SCOC: variants seen among roughly 807,000 people sequenced by gnomAD.
SCOC encodes short coiled-coil protein.
SCOC carries 7 observed loss-of-function variants against 9.9 expected under a neutral mutation model. The observed-to-expected ratio is 0.71, with a 90% CI of 0.40 to 1.33. The LOEUF is 1.33. Among genes scored for constraint, SCOC ranks in the 40% most tolerant of loss-of-function variants. The pLI, the probability that SCOC is intolerant of heterozygous loss-of-function variation, is 0.01. For missense variants in SCOC, 66 were observed against 89.7 expected (o/e 0.74, Z 1.07); for synonymous variants, 19 against 28.2 (o/e 0.67, Z 1.03).
intron 2 of SCOC, among the ~76,000 whole-genome samples, chr4:140,367,224 A>ACC (rs1727842537): frequency 6.6e-6 from 1 of 152,030 alleles, no homozygotes; most frequent in Non-Finnish European, 1.5e-5. Flanking sequence ...GTGACAGAGT[A>ACC]AGACCATTTC....
chr4:140,308,202 C>T (rs1193934152), intron 1 of SCOC, among the ~76,000 whole-genome samples: 1 of 152,180 alleles, frequency 6.6e-6, no homozygotes, highest in Non-Finnish European at 1.5e-5. Flanking sequence ...GGCCAGGCTG[C>T]TAATTGTGCT....
chr4:140,371,972 T>A (rs910993724), upstream of SCOC, among the ~76,000 whole-genome samples: 4 of 152,250 alleles, frequency 2.6e-5, no homozygotes, highest in Non-Finnish European at 5.9e-5. Context: ...ATAACATGGA[T>A]GAACTCTGAG....
At chr4:140,325,945 G>A (rs1033729335) in intron 1 of SCOC, among the ~76,000 whole-genome samples, 4 of 152,134 alleles carry the variant, frequency 2.6e-5, no homozygotes, top group East Asian at 1.9e-4. Context: ...CCTTCAGTAG[G>A]TAATGGAATA....
intron 1 of SCOC, among the ~76,000 whole-genome samples, chr4:140,282,079 G>A (rs1731111945): frequency 6.6e-6 from 1 of 152,184 alleles, no homozygotes; most frequent in African/African-American, 2.4e-5. Context: ...GATTTTCCAT[G>A]ATTCTGTAAA....
At chr4:140,287,044 C>G (rs1201694709) in intron 1 of SCOC, among the ~76,000 whole-genome samples, 4 of 151,572 alleles carry the variant, frequency 2.6e-5, no homozygotes, top group African/African-American at 9.7e-5. Flanking sequence ...TACACACACT[C>G]TACACACACA....
At position 140,381,091 on chromosome 4, in the gene SCOC, G is replaced by A. The variant is rs1288930952; in HGVS notation, c.236G>A (p.Ser79Asn). 2.5e-6 allele frequency: 4 copies of A among 1,596,882 alleles called. No individual in the cohort carries two copies. The South Asian group carries it at 3.4e-5, about 14-fold the overall frequency. The change falls in exon 4 of 4, where the codon AGC becomes AAC. Residue 79 changes from serine (S) to asparagine (N), a missense_variant. Physicochemically the swap from Ser to Asn is conservative, Grantham distance 46. Transcript: ENST00000608372. ...GTTTTTCAAACAACTGACACAAAAA[G>A]CAAAAGAAAGTAAGGGATTGACACC... The part of the protein sequence containing the change: ...SSVFQTTDTK[S>N]KRK
At position 140,382,614 on chromosome 4, in the gene SCOC, C is replaced by T. The variant is rs1728609756; in HGVS notation, c.*1510C>T. The T allele has an allele frequency of 6.6e-6, 1 of 152,472 alleles. No individual in the cohort carries two copies. The highest frequency in any genetic ancestry group is 2.1e-4 in the South Asian group (1 of 4,826). The allele number at this position is 152,472 out of a possible 1,614,324, so 9.4% of individuals were successfully genotyped here. A position where few individuals can be genotyped will look rare whatever the true frequency, so the allele number is the denominator to read the frequency against. On this transcript the variant is annotated 3_prime_UTR_variant, in exon 4 of 4. Coordinates refer to ENST00000608372, the MANE Select transcript of SCOC (RefSeq NM_001153484.2). The stretch of plus-strand genomic sequence containing the variant: ...GGGTATTTAGGTATAGTGGTGTATC[C>T]AGGGTTATTCAATGCCACAGAATAG...
upstream of SCOC, among the ~76,000 whole-genome samples, chr4:140,371,575 GT>G (rs943678427): frequency 6.6e-6 from 1 of 152,194 alleles, no homozygotes; most frequent in Non-Finnish European, 1.5e-5. Context: ...ATGAATAATA[GT>G]TTTTTCCCCA....
chr4:140,314,551 C>G (rs1732254496), intron 1 of SCOC: 1 of 152,254 alleles, frequency 6.6e-6, no homozygotes, highest in South Asian at 2.1e-4. Context: ...GGAGCTACAT[C>G]TTGGCCACCC....
At chr4:140,325,749 C>T (rs1174548355) in intron 1 of SCOC, among the ~76,000 whole-genome samples, 1 of 152,046 alleles carries the variant, frequency 6.6e-6, no homozygotes, top group Admixed American at 6.6e-5. Flanking sequence ...AATAGCACAA[C>T]CAGGTTGGAG....
rs115567946 is a variant in SCOC, at chr4:140,354,673, T to A, written c.70+10965T>A. 8.1e-3 allele frequency among the ~76,000 whole-genome samples: 1,230 copies of A among 152,182 alleles called. 12 individuals are homozygous for A. Among genetic ancestry groups the A allele is most frequent in the African/African-American group, 0.029 (1,200 of 41,518 alleles). On this transcript the variant is annotated intron_variant, in intron 2 of 4. Transcript: ENST00000338517. ...AAATTCGTAACTAATTGATTATTTT[T>A]AAAAAGCAAACTGCATGTTCTAATG...
intron 1 of SCOC, among the ~76,000 whole-genome samples, chr4:140,272,454 T>C (rs1730867802): frequency 6.6e-6 from 1 of 152,212 alleles, no homozygotes; most frequent in African/African-American, 2.4e-5. Context: ...GCAGGTTCCC[T>C]GAATGATAAA....
chr4:140,346,609 T>C (rs1337041156), intron 2 of SCOC, among the ~76,000 whole-genome samples: 1 of 152,264 alleles, frequency 6.6e-6, no homozygotes, highest in Non-Finnish European at 1.5e-5. Context: ...ATTTTATTTA[T>C]TTAAGTAATT....
At chr4:140,260,412 G>C (rs1260853300) in intron 1 of SCOC, among the ~76,000 whole-genome samples, 1 of 152,216 alleles carries the variant, frequency 6.6e-6, no homozygotes, top group South Asian at 2.1e-4. Context: ...ATGATGGCGA[G>C]TGTGTTTTTC....
At chr4:140,353,053 G>C (rs2126532698) in intron 2 of SCOC, among the ~76,000 whole-genome samples, 1 of 152,348 alleles carries the variant, frequency 6.6e-6, no homozygotes, top group Middle Eastern at 3.4e-3. Flanking sequence ...GATGGGAGCA[G>C]CTTTGGACAC....
rs555282079 is a variant in SCOC, at chr4:140,352,549, A to G, written c.70+8841A>G. The stretch of plus-strand genomic sequence containing the variant: ...TAGGGTCACCAGTGTATTGCTAGAA[A>G]TTGTAAGTGCTCTTTCTGCAGAGAA... On this transcript the variant is annotated intron_variant, in intron 2 of 4. Transcript: ENST00000338517. Among the ~76,000 whole-genome samples, 7 of 152,342 alleles carry G rather than the reference A, an allele frequency of 4.6e-5. No individual in the cohort carries two copies. In the East Asian group the frequency reaches 1.3e-3, roughly 29 times the overall value.
intron 1 of SCOC, among the ~76,000 whole-genome samples, chr4:140,319,459 G>A (rs1163403715): frequency 6.6e-6 from 1 of 151,960 alleles, no homozygotes; most frequent in Non-Finnish European, 1.5e-5. Flanking sequence ...GAGCCCATAT[G>A]AAACACAGCC....
intron 1 of SCOC, chr4:140,293,321 T>C: frequency 2.2e-6 from 1 of 456,818 alleles, no homozygotes; most frequent in South Asian, 1.5e-5. Flanking sequence ...CAAAGGCTTA[T>C]CTTTACTGCC....
chr4:140,354,573 T>C lies in SCOC; in HGVS notation c.70+10865T>C, dbSNP rs145142301. On this transcript the variant is annotated intron_variant, in intron 2 of 4. Coordinates refer to the SCOC transcript ENST00000338517. The stretch of plus-strand genomic sequence containing the variant: ...CCAACACAAACAGTAACTCCTCTAT[T>C]TGTCCATTTTGTAGGTTGGGACATT... Among the ~76,000 whole-genome samples the C allele has an allele frequency of 4.9e-3, 747 of 151,842 alleles. 17 individuals are homozygous for C. Among genetic ancestry groups the C allele is most frequent in the Admixed American group, 0.043 (655 of 15,190 alleles).
Sources: allele counts gnomAD v4.1 joint callset (sites outside exome capture counted in the v4.1 genomes callset), GRCh38; gene constraint gnomAD v4.1.1; transcripts MANE v1.5; gene names NCBI Gene and HGNC (gene_info 2026-07-23, HGNC 2026-07-21).